Variants in NBPF15 observed in about 807,000 individuals in gnomAD.
NBPF15 encodes the protein NBPF family member NBPF15.
Under a neutral mutation model 62.2 loss-of-function variants are expected in NBPF15, and 74 were observed. The observed-to-expected ratio is 1.19, with a 90% CI of 0.99 to 1.44. The LOEUF is 1.44. NBPF15 is among the 40% of genes most tolerant of loss of function. The pLI is 0.00. For missense variants in NBPF15, 790 were observed against 550.0 expected (o/e 1.44, Z -4.36); for synonymous variants, 244 against 209.7 (o/e 1.16, Z -1.41).
At chr1:144,445,745 A>G (rs1687039047) in intron 6 of NBPF15, among the ~76,000 whole-genome samples, 1 of 150,974 alleles carries the variant, frequency 6.6e-6, no homozygotes, top group African/African-American at 2.4e-5. Flanking sequence ...AACTCTTCTG[A>G]TCCATGACAA....
At chr1:144,428,852 C>A (rs1672009427) in intron 14 of NBPF15, among the ~76,000 whole-genome samples, 195 bp from the exon 15 acceptor site, 2 of 151,998 alleles carry the variant, frequency 1.3e-5, no homozygotes, top group South Asian at 2.1e-4. Context: ...GAGCCTTGGG[C>A]AAAATTCCCC....
At chr1:144,434,523 C>T (rs1172310330) in intron 12 of NBPF15, among the ~76,000 whole-genome samples, 4 of 119,866 alleles carry the variant, frequency 3.3e-5, no homozygotes, top group Non-Finnish European at 4.9e-5. Context: ...AAAAAAAAAT[C>T]CACGATGCTA....
chr1:144,451,404 C>A (rs1160925288), intron 4 of NBPF15, among the ~76,000 whole-genome samples: 89 of 151,228 alleles, frequency 5.9e-4, no homozygotes, highest in South Asian at 2.1e-3. Context: ...TGCAAAGAGG[C>A]CTTCCTTCCT....
intron 3 of NBPF15, among the ~76,000 whole-genome samples, 185 bp downstream of exon 3, chr1:144,459,181 T>C (rs1298091436): frequency 6.6e-6 from 1 of 151,950 alleles, no homozygotes; most frequent in African/African-American, 2.4e-5. Context: ...ATTGATAAAG[T>C]ATAATTTCAT....
At chr1:144,451,881 G>A (rs183878441) in intron 4 of NBPF15, among the ~76,000 whole-genome samples, 51 of 151,876 alleles carry the variant, frequency 3.4e-4, no homozygotes, top group South Asian at 4.2e-4. Context: ...AGGTCAGGCC[G>A]TGGCTCATGT....
At chr1:144,439,356 C>T (rs1681121738) in intron 8 of NBPF15, among the ~76,000 whole-genome samples, 1 of 152,000 alleles carries the variant, frequency 6.6e-6, no homozygotes, top group Non-Finnish European at 1.5e-5. Flanking sequence ...CTTGAAGCCC[C>T]TCAGAGCAGG....
At chr1:144,438,343 C>T (rs587657939) in intron 8 of NBPF15, among the ~76,000 whole-genome samples, 24 of 151,416 alleles carry the variant, frequency 1.6e-4, no homozygotes, top group South Asian at 1.5e-3. Context: ...ACTCTGAATG[C>T]GGGGCCACTT....
chr1:144,426,714 C>G (rs1479742891), intron 17 of NBPF15, among the ~76,000 whole-genome samples: 1 of 151,472 alleles, frequency 6.6e-6, no homozygotes. Flanking sequence ...ATGAAGGGGT[C>G]AAAGGACACT....
At chr1:144,425,097 C>G (rs1182899133) in intron 19 of NBPF15, among the ~76,000 whole-genome samples, 25 of 144,964 alleles carry the variant, frequency 1.7e-4, no homozygotes, top group African/African-American at 6.0e-4. Context: ...CACACACACA[C>G]ACACACAGAC....
intron 6 of NBPF15, 54 bp from the exon 7 acceptor site, chr1:144,440,349 C>T: frequency 1.9e-6 from 2 of 1,034,708 alleles, no homozygotes; most frequent in South Asian, 1.7e-5. Flanking sequence ...ATCTTAGGAG[C>T]CCTGCATTCC....
intron 1 of NBPF15, among the ~76,000 whole-genome samples, 196 bp from the exon 2 acceptor site, chr1:144,461,157 G>C (rs1490236256): frequency 1.3e-5 from 2 of 151,870 alleles, no homozygotes; most frequent in Non-Finnish European, 2.9e-5. Context: ...TCCACCCCCT[G>C]AGATGCCACA....
At chr1:144,450,989 G>A (rs1320918135) in intron 4 of NBPF15, 119 bp from the exon 5 acceptor site, 1 of 152,584 alleles carries the variant, frequency 6.6e-6, no homozygotes, top group African/African-American at 2.4e-5. Flanking sequence ...AAAGTACAGA[G>A]AAAGAAAAAT....
intron 12 of NBPF15, 109 bp downstream of exon 12, chr1:144,435,002 C>A: frequency 1.3e-6 from 2 of 1,596,260 alleles, no homozygotes; most frequent in Non-Finnish European, 8.6e-7. Flanking sequence ...TGTTTAGAAA[C>A]CCATCACAGT....
chr1:144,457,673 T>G (rs1553547387), intron 3 of NBPF15, among the ~76,000 whole-genome samples: 1 of 152,026 alleles, frequency 6.6e-6, no homozygotes, highest in Non-Finnish European at 1.5e-5. Context: ...CAGGAGCTTA[T>G]GTTGAAAATG....
At chr1:144,458,849 G>T (rs1553547690) in intron 3 of NBPF15, among the ~76,000 whole-genome samples, 4 of 151,730 alleles carry the variant, frequency 2.6e-5, no homozygotes, top group Non-Finnish European at 5.9e-5. Context: ...AGACCAACCT[G>T]GGAAACATGT....
At chr1:144,447,920 G>A (rs1381449764) in intron 6 of NBPF15, among the ~76,000 whole-genome samples, 1 of 152,122 alleles carries the variant, frequency 6.6e-6, no homozygotes, top group East Asian at 1.9e-4. Flanking sequence ...GAATAGAAGA[G>A]ATGCTCACAG....
In NBPF15 at chr1:144,422,881, T is replaced by C. The variant is rs1666668648; in HGVS notation, c.*132A>G. On this transcript the variant is annotated 3_prime_UTR_variant, in exon 22 of 22. Coordinates refer to ENST00000581897, the MANE Select transcript of NBPF15 (RefSeq NM_001385408.1). ...GGTTGCCAATGGCATGGTTTGAGAA[T>C]AGGAATAGAGCCATGCTCACTGACC... 9 of 1,590,496 alleles carry C rather than the reference T, an allele frequency of 5.7e-6. No individual in the cohort carries two copies. In the African/African-American group the frequency reaches 8.1e-5, roughly 14 times the overall value.
At chr1:144,437,253 C>A in intron 9 of NBPF15, 144 bp from the exon 10 acceptor site, 4 of 823,656 alleles carry the variant, frequency 4.9e-6, no homozygotes, top group Non-Finnish European at 8.3e-6. Flanking sequence ...TGTCTGTGGC[C>A]AAGAGAAAGA....
At chr1:144,431,457 A>G in intron 13 of NBPF15, among the ~76,000 whole-genome samples, 1 of 147,384 alleles carries the variant, frequency 6.8e-6, no homozygotes, top group Non-Finnish European at 1.5e-5. Flanking sequence ...GTTTTCCTTT[A>G]TTATTTTTTG....
Sources: allele counts gnomAD v4.1 joint callset (sites outside exome capture counted in the v4.1 genomes callset), GRCh38; gene constraint gnomAD v4.1.1; transcripts MANE v1.5; gene names NCBI Gene and HGNC (gene_info 2026-07-23, HGNC 2026-07-21).